LGALS8: variants seen among roughly 807,000 people sequenced by gnomAD.
LGALS8 encodes the protein galectin 8, also known as galectin-8.
Under a neutral mutation model 35.9 loss-of-function variants are expected in LGALS8, and 30 were observed. That is an observed-to-expected ratio of 0.83 (90% CI 0.62 to 1.13). The LOEUF (loss-of-function observed/expected upper bound fraction) is 1.13. Among genes scored for constraint, LGALS8 ranks in the 50% most tolerant of loss-of-function variants. LGALS8 has a pLI of 0.00. For synonymous variants in LGALS8, 138 were observed against 136.1 expected (o/e 1.01, Z -0.10); for missense variants, 366 against 388.7 (o/e 0.94, Z 0.49).
chr1:236,549,995 C>T lies in LGALS8; in HGVS notation c.*1834C>T, dbSNP rs1014397470. Reference sequence around the variant, plus strand: ...GCTTCAAAGGCTTTTAAACTCAATGCGAACATTCTACGGGATGTTCTTAGA... The same window carrying T: ...GCTTCAAAGGCTTTTAAACTCAATGTGAACATTCTACGGGATGTTCTTAGA... On this transcript the variant is annotated 3_prime_UTR_variant, in exon 10 of 10. Transcript: ENST00000366584. The T allele has an allele frequency of 1.3e-5, 2 of 152,098 alleles. No individual in the cohort carries two copies. Among genetic ancestry groups the T allele is most frequent in the African/African-American group, 2.4e-5 (1 of 41,400 alleles). The allele number at this position is 152,098 out of a possible 1,614,324, so 9.4% of individuals were successfully genotyped here.
At chr1:236,535,060 C>CAAAA (rs5781893) in intron 2 of LGALS8, among the ~76,000 whole-genome samples, 3 of 64,900 alleles carry the variant, frequency 4.6e-5, no homozygotes, top group African/African-American at 6.3e-5. Flanking sequence ...GACTCTGTCT[C>CAAAA]AAAAAAAAAA....
intron 6 of LGALS8, 142 bp downstream of exon 6, chr1:236,541,852 TGTG>T (rs1662018612): frequency 1.8e-6 from 1 of 554,846 alleles, no homozygotes; most frequent in South Asian, 2.7e-5. Flanking sequence ...GATACATACT[TGTG>T]GTGCCAGGCA....
At position 236,526,315 on chromosome 1, in the gene LGALS8, T is replaced by A. The variant is rs974144280; in HGVS notation, c.45+200T>A. 5.4e-5 allele frequency: 24 copies of A among 440,456 alleles called. No individual in the cohort carries two copies. The highest frequency in any genetic ancestry group is 7.3e-5 in the Non-Finnish European group (18 of 246,250). The allele number at this position is 440,456 out of a possible 1,614,324, so 27.3% of individuals were successfully genotyped here. A position where few individuals can be genotyped will look rare whatever the true frequency, so the allele number is the denominator to read the frequency against. ...GGAGGAAGAAGTCACAATGATAATATGACGTGATGAAACAGTGTTATGAAC... is the reference window on the plus strand; with the variant it reads ...GGAGGAAGAAGTCACAATGATAATAAGACGTGATGAAACAGTGTTATGAAC... On this transcript the variant is annotated intron_variant, in intron 2 of 9. Transcript: ENST00000366584. This position sits in a 1 kb window ranked among gnomAD's most constrained non-coding sequence, Gnocchi z 4.6.
chr1:236,548,398 CCTA>C lies in LGALS8; in HGVS notation c.*240_*242del. On this transcript the variant is annotated 3_prime_UTR_variant, in exon 10 of 10. Transcript: ENST00000366584. ...CAGTTAAAGCCACTCTGCCCTCTCTCCTACTTTGGCTGACTCTTCAAGAATGCC... is the reference window on the plus strand; with the variant it reads ...CAGTTAAAGCCACTCTGCCCTCTCTCCTTTGGCTGACTCTTCAAGAATGCC... 2.0e-6 allele frequency: 1 copy of C among 495,068 alleles called. No homozygotes were observed. The highest frequency in any genetic ancestry group is 2.7e-5 in the South Asian group (1 of 37,564). 30.7% of individuals were successfully genotyped at this position (495,068 alleles called of 1,614,324 possible). A position where few individuals can be genotyped will look rare whatever the true frequency, so the allele number is the denominator to read the frequency against.
At chr1:236,541,864 C>G (rs79344329) in intron 6 of LGALS8, among the ~76,000 whole-genome samples, 154 bp downstream of exon 6, 1 of 152,112 alleles carries the variant, frequency 6.6e-6, no homozygotes, top group African/African-American at 2.4e-5. Flanking sequence ...TGGTGCCAGG[C>G]ACGCAGTAAG....
intron 2 of LGALS8, among the ~76,000 whole-genome samples, chr1:236,534,850 CA>C (rs1661370027): frequency 6.6e-6 from 1 of 151,916 alleles, no homozygotes; most frequent in Non-Finnish European, 1.5e-5. Flanking sequence ...ACTTTGAGCC[CA>C]GGAGTTCCAG....
Position 236,544,942 on chromosome 1 carries a change from A to G in LGALS8, c.804+27A>G, listed in dbSNP as rs910497809. 6 of 1,566,228 alleles carry G rather than the reference A, an allele frequency of 3.8e-6. No homozygotes were observed. The African/African-American group carries it at 5.4e-5, about 14-fold the overall frequency. On this transcript the variant is annotated intron_variant, in intron 9 of 9. Coordinates refer to ENST00000366584, the MANE Select transcript of LGALS8 (RefSeq NM_201544.4). The stretch of plus-strand genomic sequence containing the variant: ...TGAGGTTACAGTTTTTGAAAATGGG[A>G]CAGCAATAAGAATCCTGGGAGCAGG...
At chr1:236,545,814 A>T (rs947969062) in intron 9 of LGALS8, among the ~76,000 whole-genome samples, 49 of 152,192 alleles carry the variant, frequency 3.2e-4, no homozygotes, top group African/African-American at 1.2e-3. Flanking sequence ...AAAGCTGGGA[A>T]GGATGTGGAA....
At chr1:236,537,261 C>T (rs2010782) in intron 2 of LGALS8, among the ~76,000 whole-genome samples, 92,337 of 151,304 alleles carry the variant, frequency 0.61, 29,080 homozygotes, top group Non-Finnish European at 0.69. Context: ...GTGATCCTCC[C>T]GCCTCGGCCT....
Position 236,551,661 on chromosome 1 carries a change from A to T in LGALS8, c.*3500A>T. On this transcript the variant is annotated 3_prime_UTR_variant, in exon 10 of 10. Transcript: ENST00000366584. ...GCATTTCCATACAATCTGGGGACCA[A>T]AACTTCAATCATATAAATGTATGAG... 2 of 190,104 alleles carry T rather than the reference A, an allele frequency of 1.1e-5. No individual in the cohort carries two copies. Among genetic ancestry groups the T allele is most frequent in the East Asian group, 1.4e-4 (1 of 6,914 alleles). 11.8% of individuals were successfully genotyped at this position (190,104 alleles called of 1,614,324 possible).
intron 2 of LGALS8, among the ~76,000 whole-genome samples, chr1:236,532,252 C>T (rs759554953): frequency 5.9e-5 from 9 of 152,194 alleles, no homozygotes; most frequent in African/African-American, 1.9e-4. Context: ...GGGCCTGCCT[C>T]GTAAGGAGGC....
At chr1:236,537,002 G>T (rs111416177) in intron 2 of LGALS8, among the ~76,000 whole-genome samples, 7,878 of 149,334 alleles carry the variant, frequency 0.053, 436 homozygotes, top group African/African-American at 0.14. Context: ...AGATATCCTG[G>T]CCATGAGGTA....
intron 2 of LGALS8, among the ~76,000 whole-genome samples, chr1:236,530,387 CTGACTGAGAG>C (rs1190043502): frequency 1.3e-5 from 2 of 152,186 alleles, no homozygotes; most frequent in Non-Finnish European, 2.9e-5. Context: ...GCCTGCCTTC[CTGACTGAGAG>C]TGGATTTCCT....
chr1:236,541,377 T>C (rs1661980037), intron 5 of LGALS8: 2 of 288,666 alleles, frequency 6.9e-6, no homozygotes, highest in South Asian at 1.7e-4. Context: ...GCATTGAAAA[T>C]TTTGATAGAT....
rs529202029 is a variant in LGALS8, at chr1:236,532,291, A to G, written c.46-5206A>G. Among the ~76,000 whole-genome samples the G allele has an allele frequency of 3.9e-5, 6 of 152,244 alleles. 1 individual carries two copies. Among genetic ancestry groups the G allele is most frequent in the African/African-American group, 1.4e-4 (6 of 41,560 alleles). Reference sequence around the variant, plus strand: ...TCCAGGACAGCAGTCAGGCCTGCCAATGTTAATTCTTTTCTGCATACCTCC... The same window carrying G: ...TCCAGGACAGCAGTCAGGCCTGCCAGTGTTAATTCTTTTCTGCATACCTCC... On this transcript the variant is annotated intron_variant, in intron 2 of 9. Coordinates refer to ENST00000366584, the MANE Select transcript of LGALS8 (RefSeq NM_201544.4).
At chr1:236,537,446 G>A (rs745744877) in intron 2 of LGALS8, 51 bp from the exon 3 acceptor site, 18 of 1,103,906 alleles carry the variant, frequency 1.6e-5, no homozygotes, top group Non-Finnish European at 2.5e-5. Flanking sequence ...TAATTGCTTA[G>A]TAAGTAATTT....
rs1662707659 is a variant in LGALS8 at position 236,550,992 on chromosome 1, T to TTA, written c.*2831_*2832insTA. Reference sequence around the variant, plus strand: ...GATGTTCTACTTCTTCACATTCATCTAAAAAAAAAAAAAAAAAATCAAAAT... The same window carrying TTA: ...GATGTTCTACTTCTTCACATTCATCTTAAAAAAAAAAAAAAAAAAATCAAAAT... On this transcript the variant is annotated 3_prime_UTR_variant, in exon 10 of 10. Transcript: ENST00000366584. 8.0e-7 allele frequency: 1 copy of TTA among 1,254,986 alleles called. No homozygotes were observed. Among genetic ancestry groups the TTA allele is most frequent in the Admixed American group, 2.7e-5 (1 of 37,458 alleles). The allele number at this position is 1,254,986 out of a possible 1,614,324, so 77.7% of individuals were successfully genotyped here.
chr1:236,540,828 C>G (rs548711639), intron 5 of LGALS8, 145 bp downstream of exon 5: 23 of 788,252 alleles, frequency 2.9e-5, no homozygotes, highest in African/African-American at 2.7e-4. Flanking sequence ...GTGAACTGTT[C>G]ACACTAGCAG....
chr1:236,527,255 G>A (rs1660864853), intron 2 of LGALS8, among the ~76,000 whole-genome samples: 1 of 152,176 alleles, frequency 6.6e-6, no homozygotes, highest in Non-Finnish European at 1.5e-5. Context: ...TAATTTTATA[G>A]GTAAAATTCG....
Sources: allele counts gnomAD v4.1 joint callset (sites outside exome capture counted in the v4.1 genomes callset), GRCh38; gene constraint gnomAD v4.1.1; non-coding constraint Gnocchi (gnomAD v3.1); transcripts MANE v1.5; gene names NCBI Gene and HGNC (gene_info 2026-07-23, HGNC 2026-07-21).